KLRC3: variants seen among roughly 807,000 people sequenced by gnomAD.
KLRC3 encodes the protein killer cell lectin like receptor C3.
KLRC3 carries 16 observed loss-of-function variants against 23.6 expected under a neutral mutation model. That is an observed-to-expected ratio of 0.68 (90% confidence interval 0.46 to 1.03). The LOEUF is 1.03. KLRC3 is among the 50% of genes least tolerant of loss of function. KLRC3 has a pLI of 0.00. For missense variants in KLRC3, 209 were observed against 232.2 expected (o/e 0.90, Z 0.65); for synonymous variants, 70 against 71.8 (o/e 0.98, Z 0.13).
At chr12:10,413,914 T>A (rs1863606550) in intron 6 of KLRC3, among the ~76,000 whole-genome samples, 1 of 152,010 alleles carries the variant, frequency 6.6e-6, no homozygotes, top group Admixed American at 6.6e-5. Flanking sequence ...TTGCTGAGAA[T>A]GATGGTTTCC....
intron 4 of KLRC3, among the ~76,000 whole-genome samples, chr12:10,417,138 T>G (rs1863656156): frequency 6.6e-6 from 1 of 151,696 alleles, no homozygotes; most frequent in Non-Finnish European, 1.5e-5. Flanking sequence ...CATTCAGAAA[T>G]AAATGACATG....
chr12:10,414,136 T>C (rs1264995161), intron 6 of KLRC3, among the ~76,000 whole-genome samples: 1 of 152,168 alleles, frequency 6.6e-6, no homozygotes, highest in Non-Finnish European at 1.5e-5. Context: ...ACCCTAGATA[T>C]AGTAGTATGT....
chr12:10,416,684 A>G lies in KLRC3; in HGVS notation c.570T>C (p.Gly190=). Residue 190 remains glycine, a synonymous_variant, in exon 5 of 7, where the codon GGT becomes GGC. Coordinates refer to ENST00000396439, the MANE Select transcript of KLRC3 (RefSeq NM_002261.3). ...SSHHPWVTIN[G]LAFKHEIKDS... ...CAACTTACTCATGTTTGAAAGCCAA[A>G]CCATTTATTGTCACCCATGGATGAT... 1 of 1,610,646 alleles carries G rather than the reference A, an allele frequency of 6.2e-7. No individual in the cohort carries two copies. The highest frequency in any genetic ancestry group is 1.3e-5 in the African/African-American group (1 of 74,942).
intron 4 of KLRC3, among the ~76,000 whole-genome samples, chr12:10,417,800 A>T (rs941799346): frequency 2.5e-4 from 38 of 152,360 alleles, no homozygotes; most frequent in Middle Eastern, 3.4e-3. Context: ...AACTACAGAT[A>T]ACCGCAATAA....
intron 6 of KLRC3, among the ~76,000 whole-genome samples, chr12:10,415,007 C>T (rs928207119): frequency 3.3e-5 from 5 of 152,072 alleles, no homozygotes; most frequent in African/African-American, 1.2e-4. Flanking sequence ...CCCCAAAATA[C>T]ATAATATGAT....
At chr12:10,415,958 C>G (rs2741885) in intron 5 of KLRC3, among the ~76,000 whole-genome samples, 164 bp from the exon 6 acceptor site, 2,117 of 152,254 alleles carry the variant, frequency 0.014, 44 homozygotes, top group African/African-American at 0.049. Context: ...CAATACAGTA[C>G]TCCCCCTTCA....
chr12:10,415,704 A>C lies in KLRC3; in HGVS notation c.678T>G (p.Ile226Met), dbSNP rs759099537. 1.7e-5 allele frequency: 28 copies of C among 1,613,102 alleles called. No individual in the cohort carries two copies. The South Asian group carries it at 3.0e-4, about 17-fold the overall frequency. Residue 226 changes from isoleucine to methionine, a missense_variant and splice_region_variant, in exon 6 of 7, where the codon ATT (isoleucine) becomes ATG (methionine). By Grantham distance (10) the Ile-to-Met change is conservative. Around this residue, in one of 4 missense-constraint regions of KLRC3, gnomAD observed 74 missense variants for 51.0 expected, o/e 1.45. Transcript: ENST00000396439. ...ISDQCGSSRI[I>M]RRGFIMLTRL... ...CTTTAATTCTAAAGCTTATGCTCAC[A>C]ATGATTCTTGAAGATCCACACTGGT...
chr12:10,415,636 G>C (rs1863629674), intron 6 of KLRC3, 68 bp downstream of exon 6: 2 of 1,603,108 alleles, frequency 1.2e-6, no homozygotes, highest in African/African-American at 1.3e-5. Context: ...ATTTCTGTTT[G>C]AACAAATATA....
chr12:10,418,410 C>A lies in KLRC3; in HGVS notation c.420G>T (p.Glu140Asp). 1.2e-6 allele frequency: 2 copies of A among 1,612,086 alleles called. No individual in the cohort carries two copies. Among genetic ancestry groups the A allele is most frequent in the African/African-American group, 2.7e-5 (2 of 74,986 alleles). The change falls in exon 4 of 7, where the codon GAG (glutamate) becomes GAT (aspartate). Residue 140 changes from glutamate (E) to aspartate (D), a missense_variant. Around this residue, in one of 4 missense-constraint regions of KLRC3, gnomAD observed 109 missense variants for 113.2 expected, o/e 0.96. Coordinates refer to ENST00000396439, the MANE Select transcript of KLRC3 (RefSeq NM_002261.3). ...TCTTTGAAGCACAGGCCTGCAAACT[C>A]TCTTCCCAAGTTCTTCTTTCCTTAC... is the stretch of plus-strand genomic sequence containing the variant. ...YIGKERRTWE[E>D]SLQACASKNS...
chr12:10,417,466 C>T (rs1863661740), intron 4 of KLRC3, among the ~76,000 whole-genome samples: 1 of 152,102 alleles, frequency 6.6e-6, no homozygotes, highest in African/African-American at 2.4e-5. Context: ...CTGCTGTTTC[C>T]CTACACCCAA....
At chr12:10,416,035 A>G (rs1863638157) in intron 5 of KLRC3, among the ~76,000 whole-genome samples, 1 of 152,206 alleles carries the variant, frequency 6.6e-6, no homozygotes, top group African/African-American at 2.4e-5. Flanking sequence ...TAGAGAGATT[A>G]TGTTTTCTCT....
chr12:10,417,343 T>C (rs1469560018), intron 4 of KLRC3, among the ~76,000 whole-genome samples: 1 of 151,840 alleles, frequency 6.6e-6, no homozygotes, highest in Non-Finnish European at 1.5e-5. Context: ...TGGAGAACTC[T>C]GAAAGGTGGA....
At position 10,418,704 on chromosome 12, in the gene KLRC3, C is replaced by A. The variant is rs186786397; in HGVS notation, c.332-206G>T. ...AGCCTCTCTCCCCTAATTGTGTTCC[C>A]ATATAAAGCAAACCAACAAACAAAA... On this transcript the variant is annotated intron_variant, in intron 3 of 6. Transcript: ENST00000396439. 2.7e-4 allele frequency among the ~76,000 whole-genome samples: 41 copies of A among 152,234 alleles called. No homozygotes were observed. The East Asian group carries it at 3.3e-3, about 12-fold the overall frequency.
rs1389764876 is a variant in KLRC3 at position 10,415,801 on chromosome 12, T to C, written c.588-7A>G. ...ATGATCTGAGTCTTTTATCCTGTAA[T>C]GGAGAAAAATCCATAATTCTGTTAC... On this transcript the variant is annotated splice_polypyrimidine_tract_variant and splice_region_variant and intron_variant, in intron 5 of 6. Transcript: ENST00000396439. 2 of 1,593,692 alleles carry C rather than the reference T, an allele frequency of 1.3e-6. No individual in the cohort carries two copies. Among genetic ancestry groups the C allele is most frequent in the Admixed American group, 3.4e-5 (2 of 59,092 alleles).
At chr12:10,414,741 C>T (rs1048056732) in intron 6 of KLRC3, among the ~76,000 whole-genome samples, 1 of 146,592 alleles carries the variant, frequency 6.8e-6, no homozygotes, top group Non-Finnish European at 1.5e-5. Context: ...GCACATGTAC[C>T]CTAAAACTTA....
intron 6 of KLRC3, among the ~76,000 whole-genome samples, chr12:10,413,446 A>C (rs949862355): frequency 3.3e-5 from 5 of 152,320 alleles, no homozygotes; most frequent in African/African-American, 1.2e-4. Flanking sequence ...TTTAATGTCC[A>C]TATGAAATAG....
chr12:10,420,309 G>T (rs1863702388), intron 1 of KLRC3, 55 bp downstream of exon 1: 6 of 1,547,180 alleles, frequency 3.9e-6, no homozygotes, highest in Non-Finnish European at 5.3e-6. Flanking sequence ...TCACCCTTCT[G>T]CATTCAACTG....
chr12:10,418,349 C>T lies in KLRC3; in HGVS notation c.481G>A (p.Glu161Lys), dbSNP rs763099172. The change falls in exon 4 of 7, where the codon GAA becomes AAA. Residue 161 changes from glutamate to lysine, a missense_variant. Glu to Lys is a moderately conservative substitution (Grantham distance 56). Around this residue, in one of 4 missense-constraint regions of KLRC3, gnomAD observed 109 missense variants for 113.2 expected, o/e 0.96. Transcript: ENST00000396439. Reference protein sequence around the residue: ...SSLLCIDNEEEMKFLASILPS... With the variant: ...SSLLCIDNEEKMKFLASILPS... ...TTGAAACATTTACATCTTACCATTT[C>T]TTCTTCATTATCTATACAAAGCAGA... The T allele has an allele frequency of 6.2e-7, 1 of 1,602,972 alleles. No homozygotes were observed. The highest frequency in any genetic ancestry group is 8.5e-7 in the Non-Finnish European group (1 of 1,172,736).
At chr12:10,417,860 A>C (rs1480032032) in intron 4 of KLRC3, among the ~76,000 whole-genome samples, 1 of 152,216 alleles carries the variant, frequency 6.6e-6, no homozygotes. Flanking sequence ...GACAGACATG[A>C]AATTCACACT....
Sources: gnomAD v4.1 joint callset for allele counts (sites outside exome capture counted in the v4.1 genomes callset) on GRCh38, gnomAD v4.1.1 for gene constraint, gnomAD v4.1.1 regional missense constraint, MANE v1.5 for transcripts, NCBI Gene and HGNC (gene_info 2026-07-23, HGNC 2026-07-21) for gene names.